JMJD1C: variants seen among roughly 807,000 people sequenced by gnomAD.
JMJD1C encodes the protein jumonji domain containing 1C.
A neutral mutation model predicts 245.3 loss-of-function variants in JMJD1C; 31 were observed. The observed-to-expected ratio is 0.13, with a 90% CI of 0.09 to 0.17. The LOEUF is 0.17. Ranked by LOEUF, JMJD1C falls within the 10% of genes least tolerant of loss-of-function variation. JMJD1C has a pLI of 1.00. For missense variants in JMJD1C, 2,691 were observed against 3,000.2 expected, an observed-to-expected ratio of 0.90 and a Z score of 2.41; for synonymous variants, 1,057 against 1,017.4, an observed-to-expected ratio of 1.04 and a Z score of -0.74.
At chr10:63,404,351 G>A (rs1012251178) in intron 1 of JMJD1C, among the ~76,000 whole-genome samples, 2 of 152,036 alleles carry the variant, frequency 1.3e-5, no homozygotes, top group African/African-American at 2.4e-5. Flanking sequence ...AAAGATATAC[G>A]ACACACTAAT....
At chr10:63,372,648 C>T (rs1352293148) in intron 2 of JMJD1C, among the ~76,000 whole-genome samples, 2 of 152,148 alleles carry the variant, frequency 1.3e-5, no homozygotes, top group Non-Finnish European at 2.9e-5. Context: ...GCACATTCAT[C>T]ACTTTAAAAT....
At chr10:63,377,460 C>T (rs1223113974) in intron 2 of JMJD1C, among the ~76,000 whole-genome samples, 1 of 152,166 alleles carries the variant, frequency 6.6e-6, no homozygotes, top group African/African-American at 2.4e-5. Context: ...GAGGGCCGGG[C>T]ATGGTGACTC....
intron 2 of JMJD1C, among the ~76,000 whole-genome samples, chr10:63,360,985 T>G (rs1440748684): frequency 6.6e-6 from 1 of 152,172 alleles, no homozygotes; most frequent in Non-Finnish European, 1.5e-5. Context: ...CTTTCAATTG[T>G]TTTCCATTAT....
chr10:63,184,785 C>T, intron 20 of JMJD1C, 47 bp from the exon 21 acceptor site: 1 of 1,535,594 alleles, frequency 6.5e-7, no homozygotes, highest in Non-Finnish European at 8.9e-7. Flanking sequence ...ATTTGCATTG[C>T]TAAGTATTTT....
chr10:63,468,281 G>C (rs1953380314), upstream of JMJD1C, among the ~76,000 whole-genome samples: 1 of 152,124 alleles, frequency 6.6e-6, no homozygotes, highest in African/African-American at 2.4e-5. Flanking sequence ...ACACTAATTT[G>C]TGGATATTTT....
intron 1 of JMJD1C, among the ~76,000 whole-genome samples, chr10:63,426,668 A>G (rs1411694413): frequency 6.6e-6 from 1 of 152,172 alleles, no homozygotes; most frequent in Non-Finnish European, 1.5e-5. Flanking sequence ...CTCAAAAAAA[A>G]AAGACAATGG....
intron 2 of JMJD1C, among the ~76,000 whole-genome samples, chr10:63,318,248 C>T (rs893499309): frequency 2.0e-5 from 3 of 152,104 alleles, no homozygotes; most frequent in Admixed American, 6.6e-5. Context: ...AACTCCTAGA[C>T]TCGAGGAATC....
intron 2 of JMJD1C, among the ~76,000 whole-genome samples, chr10:63,308,376 C>T (rs1368699817): frequency 6.6e-6 from 1 of 151,898 alleles, no homozygotes; most frequent in African/African-American, 2.4e-5. Flanking sequence ...CCCAGATCAC[C>T]ATCAACTAAA....
At chr10:63,319,898 G>A (rs1157464443) in intron 2 of JMJD1C, among the ~76,000 whole-genome samples, 2 of 152,154 alleles carry the variant, frequency 1.3e-5, no homozygotes, top group African/African-American at 4.8e-5. Context: ...TGGGTAGCTG[G>A]GATTACAGGC....
chr10:63,357,822 G>GACACACAC (rs1344672220), intron 2 of JMJD1C, among the ~76,000 whole-genome samples: 17 of 70,750 alleles, frequency 2.4e-4, no homozygotes, highest in South Asian at 2.3e-3. Flanking sequence ...GACACAGACA[G>GACACACAC]ACAGACACAC....
At chr10:63,334,300 G>A (rs1009350244) in intron 2 of JMJD1C, among the ~76,000 whole-genome samples, 1 of 152,114 alleles carries the variant, frequency 6.6e-6, no homozygotes, top group East Asian at 1.9e-4. Flanking sequence ...TTAGGGAAAA[G>A]ACATGTAATT....
chr10:63,467,741 A>C (rs1953357327), upstream of JMJD1C, among the ~76,000 whole-genome samples: 1 of 152,240 alleles, frequency 6.6e-6, no homozygotes, highest in African/African-American at 2.4e-5. Flanking sequence ...TGGTGACAAT[A>C]ATTCAACATA....
At chr10:63,393,831 A>G (rs1948265279) in intron 1 of JMJD1C, among the ~76,000 whole-genome samples, 1 of 152,214 alleles carries the variant, frequency 6.6e-6, no homozygotes, top group African/African-American at 2.4e-5. Context: ...ATAATTTTGA[A>G]AAAGAACAAA....
rs1845200325 is a variant in JMJD1C at position 63,194,380 on chromosome 10, A to G, written c.5645-5T>C. The G allele has an allele frequency of 2.6e-6, 4 of 1,567,046 alleles. No homozygotes were observed. Among genetic ancestry groups the G allele is most frequent in the Non-Finnish European group, 3.5e-6 (4 of 1,137,208 alleles). On this transcript the variant is annotated splice_polypyrimidine_tract_variant and splice_region_variant and intron_variant, in intron 13 of 25. Transcript: ENST00000399262. ...TCCAAGCATATAGTTCTTTATCTGT[A>G]AGATAATAAAACTTGTATATCACAC...
At chr10:63,452,434 G>C (rs1047195009) in intron 1 of JMJD1C, among the ~76,000 whole-genome samples, 1 of 152,158 alleles carries the variant, frequency 6.6e-6, no homozygotes, top group Non-Finnish European at 1.5e-5. Context: ...CCAGGAAATA[G>C]TAAGTGTTGA....
chr10:63,219,298 TCAA>T (rs1461752770), intron 4 of JMJD1C, among the ~76,000 whole-genome samples: 1 of 152,144 alleles, frequency 6.6e-6, no homozygotes, highest in African/African-American at 2.4e-5. Context: ...ACAAAGACAT[TCAA>T]CAACAGTTCA....
At chr10:63,326,192 C>G (rs73294325) in intron 2 of JMJD1C, among the ~76,000 whole-genome samples, 2,822 of 151,956 alleles carry the variant, frequency 0.019, 90 homozygotes, top group African/African-American at 0.065. Flanking sequence ...CAGTGAAAGC[C>G]GTGTTTAAAG....
chr10:63,407,077 T>C, intron 1 of JMJD1C, among the ~76,000 whole-genome samples: 1 of 152,154 alleles, frequency 6.6e-6, no homozygotes, highest in Admixed American at 6.5e-5. Flanking sequence ...AGATAAGCTA[T>C]GCCCCAAAGG....
intron 1 of JMJD1C, among the ~76,000 whole-genome samples, chr10:63,508,566 T>G (rs1174326817): frequency 6.6e-6 from 1 of 152,224 alleles, no homozygotes; most frequent in East Asian, 1.9e-4. Context: ...TAGATCAAGT[T>G]GGGAAGAACT....
Sources: gnomAD v4.1 joint callset for allele counts (sites outside exome capture counted in the v4.1 genomes callset) on GRCh38, gnomAD v4.1.1 for gene constraint, MANE v1.5 for transcripts, NCBI Gene and HGNC (gene_info 2026-07-23, HGNC 2026-07-21) for gene names.